The following FEZ2 variants were observed in gnomAD, a reference collection of about 807,000 sequenced individuals.
FEZ2 encodes the protein fasciculation and elongation protein zeta 2, also known as fasciculation and elongation protein zeta-2.
In FEZ2, 51 loss-of-function variants were observed where a neutral mutation model predicts 40.4. The observed-to-expected ratio is 1.26, with a 90% CI of 1.01 to 1.59. The LOEUF is 1.59. Ranked by LOEUF, FEZ2 falls within the 40% of genes most tolerant of loss-of-function variation. FEZ2 has a pLI of 0.00. For missense variants in FEZ2, 640 were observed against 438.3 expected (o/e 1.46, Z -4.11); for synonymous variants, 242 against 172.0 (o/e 1.41, Z -3.18).
At chr2:36,581,267 T>C (rs535802106) in intron 4 of FEZ2, 23 bp downstream of exon 4, 36 of 1,604,998 alleles carry the variant, frequency 2.2e-5, no homozygotes, top group Admixed American at 2.0e-4. Flanking sequence ...ACAGAAATCA[T>C]TGATTTCAGC....
chr2:36,561,688 T>G (rs1271090427), intron 5 of FEZ2, among the ~76,000 whole-genome samples: 3 of 152,122 alleles, frequency 2.0e-5, no homozygotes, highest in African/African-American at 7.2e-5. Flanking sequence ...AGGAGTGAGA[T>G]GGATTCTTAC....
chr2:36,558,408 A>AG, intron 6 of FEZ2, 30 bp downstream of exon 6: 2 of 1,353,604 alleles, frequency 1.5e-6, no homozygotes, highest in Non-Finnish European at 1.0e-6. Flanking sequence ...AAAGGAAATC[A>AG]GGTAATAGTT....
intron 2 of FEZ2, among the ~76,000 whole-genome samples, chr2:36,589,350 A>G (rs1247210560): frequency 1.3e-5 from 2 of 152,232 alleles, no homozygotes; most frequent in Non-Finnish European, 2.9e-5. Flanking sequence ...AAGTGCCATC[A>G]GTTCCCCTAG....
chr2:36,586,220 C>G (rs1055587554), intron 2 of FEZ2, among the ~76,000 whole-genome samples: 1 of 152,198 alleles, frequency 6.6e-6, no homozygotes, highest in African/African-American at 2.4e-5. Context: ...TTTCATCGAT[C>G]CTTACACTTC....
intron 4 of FEZ2, among the ~76,000 whole-genome samples, chr2:36,579,597 C>T (rs1668674833): frequency 6.6e-6 from 1 of 152,160 alleles, no homozygotes. Flanking sequence ...ATACCTGCTC[C>T]AGCTCTGCCT....
intron 5 of FEZ2, among the ~76,000 whole-genome samples, chr2:36,575,659 T>C (rs861919): frequency 0.59 from 89,735 of 152,020 alleles, 27,070 homozygotes; most frequent in East Asian, 0.85. Flanking sequence ...ATTTCACATA[T>C]TTTCATGGTC....
intron 1 of FEZ2, among the ~76,000 whole-genome samples, chr2:36,591,800 G>C (rs1208589714): frequency 6.6e-6 from 1 of 152,092 alleles, no homozygotes; most frequent in Non-Finnish European, 1.5e-5. Flanking sequence ...CAAATAACGA[G>C]TCATTGGCCA....
At chr2:36,581,173 T>A in intron 4 of FEZ2, 117 bp downstream of exon 4, 1 of 1,008,996 alleles carries the variant, frequency 9.9e-7, no homozygotes. Flanking sequence ...AAATGTAAAT[T>A]TGGACACAAA....
intron 5 of FEZ2, among the ~76,000 whole-genome samples, chr2:36,565,175 T>C (rs1228553747): frequency 6.6e-6 from 1 of 152,224 alleles, no homozygotes; most frequent in Non-Finnish European, 1.5e-5. Flanking sequence ...TATTTATATT[T>C]CCATCCCTAC....
At chr2:36,583,513 C>T in intron 2 of FEZ2, 44 bp from the exon 3 acceptor site, 1 of 1,002,280 alleles carries the variant, frequency 1.0e-6, no homozygotes, top group Non-Finnish European at 1.6e-6. Flanking sequence ...ACATCCTCAT[C>T]AAAACAAAGT....
intron 2 of FEZ2, among the ~76,000 whole-genome samples, chr2:36,584,547 T>C (rs550560535): frequency 7.2e-5 from 11 of 152,302 alleles, no homozygotes; most frequent in Admixed American, 2.0e-4. Flanking sequence ...TATTCAGGTG[T>C]TGAATGGAAC....
At chr2:36,560,223 G>C (rs1668056853) in intron 5 of FEZ2, among the ~76,000 whole-genome samples, 2 of 152,164 alleles carry the variant, frequency 1.3e-5, no homozygotes, top group African/African-American at 4.8e-5. Flanking sequence ...ATTCATATCT[G>C]TGTATAATTT....
chr2:36,575,272 C>A (rs1298214777), intron 5 of FEZ2, among the ~76,000 whole-genome samples: 1 of 152,142 alleles, frequency 6.6e-6, no homozygotes, highest in East Asian at 1.9e-4. Flanking sequence ...GCAGCCTCAA[C>A]CTCCTGGGCT....
intron 2 of FEZ2, chr2:36,590,308 T>C (rs1489941061): frequency 1.3e-5 from 2 of 152,268 alleles, no homozygotes; most frequent in Non-Finnish European, 2.9e-5. Flanking sequence ...GAGATTCCAA[T>C]ACTCTCAGTA....
rs371513355 is a variant in FEZ2, at chr2:36,590,927, A to G, written c.351T>C (p.Leu117=). 3 of 1,608,174 alleles carry G rather than the reference A, an allele frequency of 1.9e-6. No homozygotes were observed. The highest frequency in any genetic ancestry group is 2.6e-6 in the Non-Finnish European group (3 of 1,174,656). Residue 117 remains leucine, a synonymous_variant, in exon 2 of 8, where the codon CTT becomes CTC. Transcript: ENST00000405912. ...KSSHTRTLHL[L]TLNLSEKGVS... ...CCCCTTTTTCTGAGAGGTTCAGAGT[A>G]AGCAAGTGCAAGGTCCTAGTATGCG...
At chr2:36,567,467 A>T (rs1262111739) in intron 5 of FEZ2, among the ~76,000 whole-genome samples, 2 of 152,162 alleles carry the variant, frequency 1.3e-5, no homozygotes, top group Non-Finnish European at 2.9e-5. Context: ...GTGACTAAGA[A>T]ATCTCAAACC....
chr2:36,556,098 A>G (rs1667953938), intron 6 of FEZ2: 1 of 472,894 alleles, frequency 2.1e-6, no homozygotes, highest in Non-Finnish European at 4.3e-6. Context: ...TATAATGTGC[A>G]CCTCAATGAA....
intron 2 of FEZ2, among the ~76,000 whole-genome samples, chr2:36,586,415 G>A (rs1668900443): frequency 6.6e-6 from 1 of 152,094 alleles, no homozygotes; most frequent in Admixed American, 6.5e-5. Flanking sequence ...CGGGTGGATT[G>A]CTTGAGCTCA....
intron 1 of FEZ2, among the ~76,000 whole-genome samples, chr2:36,593,341 T>C (rs149139397): frequency 0.012 from 1,776 of 152,186 alleles, 42 homozygotes; most frequent in African/African-American, 0.041. Flanking sequence ...AGGGACTCTG[T>C]GTGGGGGCTC....
Sources: gnomAD v4.1 joint callset for allele counts (sites outside exome capture counted in the v4.1 genomes callset) on GRCh38, gnomAD v4.1.1 for gene constraint, MANE v1.5 for transcripts, NCBI Gene and HGNC (gene_info 2026-07-23, HGNC 2026-07-21) for gene names.